The following FAM107B variants were observed in gnomAD, a reference collection of about 807,000 sequenced individuals.
FAM107B encodes family with sequence similarity 107 member B.
Under a neutral mutation model 31.5 loss-of-function variants are expected in FAM107B, and 21 were observed. The ratio of observed to expected loss-of-function variants is 0.67; its 90% CI spans 0.47 to 0.96. The LOEUF (loss-of-function observed/expected upper bound fraction) is 0.96. Ranked by LOEUF, FAM107B falls within the 40% of genes least tolerant of loss-of-function variation. The probability of loss-of-function intolerance (pLI) is 0.00; values close to 1 mark genes in which losing one functional copy is unlikely to be tolerated. For synonymous variants in FAM107B, 157 were observed against 141.5 expected, an observed-to-expected ratio of 1.11 and a Z score of -0.78; for missense variants, 452 against 377.1, an observed-to-expected ratio of 1.20 and a Z score of -1.64.
At chr10:14,604,211 T>G in intron 2 of FAM107B, 1 of 975,220 alleles carries the variant, frequency 1.0e-6, no homozygotes, top group Non-Finnish European at 1.2e-6. Context: ...CGTCTTTGTG[T>G]GGAAAGTAAG....
intron 2 of FAM107B, among the ~76,000 whole-genome samples, chr10:14,609,144 G>T (rs1269623317): frequency 6.6e-6 from 1 of 152,074 alleles, no homozygotes; most frequent in African/African-American, 2.4e-5. Context: ...AAACGCTTTG[G>T]GACTATAATG....
intron 2 of FAM107B, among the ~76,000 whole-genome samples, chr10:14,537,971 C>T (rs1173008395): frequency 6.6e-6 from 1 of 152,182 alleles, no homozygotes; most frequent in Non-Finnish European, 1.5e-5. Context: ...GCTGTCACTG[C>T]TGCCCAAGGT....
intron 2 of FAM107B, among the ~76,000 whole-genome samples, chr10:14,655,819 A>G (rs974499706): frequency 1.3e-5 from 2 of 152,206 alleles, no homozygotes; most frequent in African/African-American, 4.8e-5. Context: ...CTCCACAGCT[A>G]CCTACCCTAG....
chr10:14,548,804 C>G (rs1471086544), intron 2 of FAM107B: 2 of 186,030 alleles, frequency 1.1e-5, no homozygotes, highest in African/African-American at 5.1e-5. Flanking sequence ...ATCAACCCTC[C>G]TCTACAAGTA....
intron 1 of FAM107B, among the ~76,000 whole-genome samples, chr10:14,740,320 A>C (rs972227072): frequency 1.3e-5 from 2 of 152,244 alleles, no homozygotes; most frequent in African/African-American, 4.8e-5. Flanking sequence ...ATGGAGGAAC[A>C]CTAAATGCAT....
chr10:14,716,438 A>G (rs772254305), intron 1 of FAM107B, among the ~76,000 whole-genome samples: 1 of 152,232 alleles, frequency 6.6e-6, no homozygotes, highest in African/African-American at 2.4e-5. Context: ...GAGTGTCCTC[A>G]TGACATGGCA....
intron 1 of FAM107B, among the ~76,000 whole-genome samples, chr10:14,707,235 A>G (rs916078970): frequency 1.3e-5 from 2 of 152,226 alleles, no homozygotes; most frequent in South Asian, 4.1e-4. Context: ...ACCCCAACAA[A>G]AGAAAATTGT....
In FAM107B at chr10:14,709,086, C is replaced by T. The variant is rs1211075325; in HGVS notation, c.412-41395G>A. ...ATGTGGAGCAGTGGGAACTCTCATT[C>T]TTTACTGGTGAAATACAAAATGGTG... On this transcript the variant is annotated intron_variant, in intron 1 of 4. Transcript: ENST00000181796. 4.6e-5 allele frequency among the ~76,000 whole-genome samples: 7 copies of T among 152,312 alleles called. No individual in the cohort carries two copies. In the East Asian group the frequency reaches 1.3e-3, roughly 29 times the overall value.
intron 2 of FAM107B, chr10:14,602,410 G>C (rs1270683679): frequency 6.6e-6 from 1 of 152,178 alleles, no homozygotes; most frequent in South Asian, 2.1e-4. Flanking sequence ...AATGTTACAA[G>C]AGGAAAATAA....
intron 2 of FAM107B, among the ~76,000 whole-genome samples, chr10:14,632,460 T>A (rs183814409): frequency 6.0e-5 from 9 of 150,340 alleles, no homozygotes; most frequent in East Asian, 2.0e-4. Context: ...AAATACAAAA[T>A]ATTAGCTGGG....
chr10:14,646,549 A>G (rs1330695815), intron 2 of FAM107B, among the ~76,000 whole-genome samples: 1 of 152,210 alleles, frequency 6.6e-6, no homozygotes, highest in East Asian at 1.9e-4. Flanking sequence ...TATAAATGCC[A>G]CATTTTCTTT....
chr10:14,555,242 T>C (rs1376454113), intron 2 of FAM107B, among the ~76,000 whole-genome samples: 1 of 152,250 alleles, frequency 6.6e-6, no homozygotes, highest in Non-Finnish European at 1.5e-5. Context: ...TTTATAAATG[T>C]TCAGGAAACA....
At chr10:14,554,899 T>C (rs1849567991) in intron 2 of FAM107B, among the ~76,000 whole-genome samples, 1 of 152,196 alleles carries the variant, frequency 6.6e-6, no homozygotes, top group Non-Finnish European at 1.5e-5. Context: ...ATGTCAATAA[T>C]ACACCATCAT....
At chr10:14,680,653 G>T (rs1237887148) in intron 1 of FAM107B, among the ~76,000 whole-genome samples, 3 of 151,490 alleles carry the variant, frequency 2.0e-5, no homozygotes, top group Non-Finnish European at 4.4e-5. Context: ...ATCTGTGATT[G>T]TTCATTGTTT....
intron 1 of FAM107B, among the ~76,000 whole-genome samples, chr10:14,692,340 G>A (rs530634575): frequency 5.3e-5 from 8 of 152,214 alleles, no homozygotes; most frequent in African/African-American, 1.7e-4. Context: ...TGGGGTATTC[G>A]TAGGAGGGGT....
chr10:14,621,904 G>T (rs186993993), intron 2 of FAM107B, among the ~76,000 whole-genome samples: 1 of 152,202 alleles, frequency 6.6e-6, no homozygotes, highest in East Asian at 1.9e-4. Flanking sequence ...GTTAAGAGAG[G>T]GTCTGCCAAG....
chr10:14,525,650 G>C (rs1290399222), intron 3 of FAM107B, among the ~76,000 whole-genome samples: 1 of 152,110 alleles, frequency 6.6e-6, no homozygotes, highest in African/African-American at 2.4e-5. Flanking sequence ...ATATAAACAT[G>C]CCACAATTCT....
intron 2 of FAM107B, among the ~76,000 whole-genome samples, chr10:14,597,724 C>A (rs75320215): frequency 6.6e-6 from 1 of 151,972 alleles, no homozygotes; most frequent in Non-Finnish European, 1.5e-5. Context: ...GATTGGCAGG[C>A]GGATCATTTG....
chr10:14,633,887 T>G (rs189257438), intron 2 of FAM107B, among the ~76,000 whole-genome samples: 2 of 152,286 alleles, frequency 1.3e-5, no homozygotes, highest in Admixed American at 1.3e-4. Context: ...TGGTCAATCA[T>G]TACATCACTT....
Sources: gnomAD v4.1 joint callset for allele counts (sites outside exome capture counted in the v4.1 genomes callset) on GRCh38, gnomAD v4.1.1 for gene constraint, MANE v1.5 for transcripts, NCBI Gene and HGNC (gene_info 2026-07-23, HGNC 2026-07-21) for gene names.